The following ADAM23 variants were observed in gnomAD, a reference collection of about 807,000 sequenced individuals.
ADAM23 encodes ADAM metallopeptidase domain 23.
Under a neutral mutation model 120.1 loss-of-function variants are expected in ADAM23, and 33 were observed. That is an observed-to-expected ratio of 0.27 (90% CI 0.21 to 0.37). ADAM23 has a LOEUF of 0.37. Among genes scored for constraint, ADAM23 ranks in the 10% least tolerant of loss-of-function variants. The pLI is 1.00. For synonymous variants in ADAM23, 367 were observed against 375.2 expected (o/e 0.98, Z 0.25); for missense variants, 862 against 1,058.2 (o/e 0.81, Z 2.57).
chr2:206,468,025 A>G (rs1289793130), intron 2 of ADAM23, among the ~76,000 whole-genome samples: 1 of 152,156 alleles, frequency 6.6e-6, no homozygotes, highest in Non-Finnish European at 1.5e-5. Context: ...CAGTGTCCTG[A>G]GGCAGACTGC....
chr2:206,454,049 G>C (rs1047813791), intron 2 of ADAM23, among the ~76,000 whole-genome samples: 1 of 152,234 alleles, frequency 6.6e-6, no homozygotes, highest in Admixed American at 6.5e-5. Context: ...TAATTACAGA[G>C]TAGTTAAGTT....
Position 206,550,107 on chromosome 2 carries a change from A to T in ADAM23, c.880A>T (p.Ile294Leu). The stretch of plus-strand genomic sequence containing the variant: ...TTATTTTCCGTAGCCATCACGTGGT[A>T]TATTTGAAGAAATGAAATATTTGGA... The part of the protein sequence containing the change: ...RKRAVNPSRG[I>L]FEEMKYLELM... The change falls in exon 9 of 26, where the codon ATA becomes TTA. Residue 294 changes from isoleucine (I) to leucine (L), a missense_variant. Ile to Leu is a conservative substitution (Grantham distance 5, BLOSUM62 2). Around this residue, in one of 4 missense-constraint regions of ADAM23, gnomAD observed 617 missense variants for 813.5 expected, o/e 0.76. Transcript: ENST00000264377. The T allele has an allele frequency of 6.3e-7, 1 of 1,575,920 alleles. No homozygotes were observed. Among genetic ancestry groups the T allele is most frequent in the Non-Finnish European group, 8.7e-7 (1 of 1,149,386 alleles).
chr2:206,533,848 A>G (rs1697122759), intron 4 of ADAM23, among the ~76,000 whole-genome samples: 1 of 152,242 alleles, frequency 6.6e-6, no homozygotes, highest in Non-Finnish European at 1.5e-5. Context: ...GAAGCGTGTA[A>G]TATGAATGCT....
intron 9 of ADAM23, among the ~76,000 whole-genome samples, chr2:206,554,398 T>C (rs1029332815): frequency 3.9e-5 from 6 of 152,276 alleles, no homozygotes; most frequent in African/African-American, 1.4e-4. Flanking sequence ...GAAAATTGGT[T>C]GAGATTTTTT....
chr2:206,610,096 T>A, intron 25 of ADAM23, 96 bp downstream of exon 25: 1 of 1,128,464 alleles, frequency 8.9e-7, no homozygotes, highest in East Asian at 3.1e-5. Flanking sequence ...AGAGCTTAGG[T>A]TCTGTCAGTC....
Position 206,609,905 on chromosome 2 carries a change from C to T in ADAM23, c.2360-5C>T. ...TGACTCTCTTCCCATGATCCTTTGT[C>T]ACAGGTCCTAGTGCCACCAATCTCA... is the stretch of plus-strand genomic sequence containing the variant. On this transcript the variant is annotated splice_polypyrimidine_tract_variant and splice_region_variant and intron_variant, in intron 24 of 25. Transcript: ENST00000264377. 1.9e-6 allele frequency: 3 copies of T among 1,597,002 alleles called. No homozygotes were observed. In the South Asian group the frequency reaches 3.4e-5, roughly 18 times the overall value.
At chr2:206,467,777 G>C (rs1356175141) in intron 2 of ADAM23, among the ~76,000 whole-genome samples, 2 of 152,178 alleles carry the variant, frequency 1.3e-5, no homozygotes, top group Non-Finnish European at 1.5e-5. Context: ...TTCTCCATGA[G>C]GGCTCCGCCC....
In ADAM23 at chr2:206,443,778, C is replaced by G; in HGVS notation, c.-89C>G. ...CCGCCGCGGCACCATGCGCGCCGAGCCGGCGTGACCGGCTCCGCCCGCGGC... is the reference window on the plus strand; with the variant it reads ...CCGCCGCGGCACCATGCGCGCCGAGGCGGCGTGACCGGCTCCGCCCGCGGC... On this transcript the variant is annotated 5_prime_UTR_variant, in exon 1 of 26. Transcript: ENST00000264377. 5.5e-6 allele frequency: 4 copies of G among 729,180 alleles called. No homozygotes were observed. The South Asian group carries it at 1.8e-4, about 33-fold the overall frequency. 45.2% of individuals were successfully genotyped at this position (729,180 alleles called of 1,614,324 possible).
At chr2:206,537,053 T>C (rs1417670807) in intron 4 of ADAM23, among the ~76,000 whole-genome samples, 1 of 152,088 alleles carries the variant, frequency 6.6e-6, no homozygotes, top group African/African-American at 2.4e-5. Context: ...AAATATTGAT[T>C]TACCTTGTAC....
At chr2:206,519,064 C>G (rs1342593639) in intron 3 of ADAM23, among the ~76,000 whole-genome samples, 1 of 152,098 alleles carries the variant, frequency 6.6e-6, no homozygotes, top group African/African-American at 2.4e-5. Flanking sequence ...ATTCAACATT[C>G]TTGGTTTTTG....
At chr2:206,613,012 A>C (rs1698864627) in intron 25 of ADAM23, among the ~76,000 whole-genome samples, 1 of 152,176 alleles carries the variant, frequency 6.6e-6, no homozygotes, top group Non-Finnish European at 1.5e-5. Flanking sequence ...TTTTTAAAAA[A>C]TATTGTCACA....
intron 2 of ADAM23, among the ~76,000 whole-genome samples, chr2:206,480,947 G>A (rs1009867047): frequency 2.0e-5 from 3 of 152,144 alleles, no homozygotes; most frequent in Non-Finnish European, 4.4e-5. Flanking sequence ...ATTCGTCACG[G>A]TCACTTTGTA....
At chr2:206,592,121 C>T (rs537755034) in intron 21 of ADAM23, among the ~76,000 whole-genome samples, 1 of 152,240 alleles carries the variant, frequency 6.6e-6, no homozygotes, top group South Asian at 2.1e-4. Flanking sequence ...ATTTTTTGTC[C>T]TTATGCTTTG....
chr2:206,584,932 C>T (rs1000945708), intron 18 of ADAM23, among the ~76,000 whole-genome samples: 1 of 152,138 alleles, frequency 6.6e-6, no homozygotes, highest in African/African-American at 2.4e-5. Context: ...TTCCTCTACC[C>T]CTGTATTTGG....
chr2:206,530,304 G>A (rs775550672), intron 3 of ADAM23, among the ~76,000 whole-genome samples: 2 of 152,152 alleles, frequency 1.3e-5, no homozygotes, highest in Non-Finnish European at 2.9e-5. Flanking sequence ...AGTGGAGCCC[G>A]CATGGCCCAC....
rs183481511 is a variant in ADAM23, at chr2:206,530,042, C to T, written c.510-843C>T. Among the ~76,000 whole-genome samples, 508 of 152,246 alleles carry T rather than the reference C, an allele frequency of 3.3e-3. 3 individuals carry two copies. The highest frequency in any genetic ancestry group is 0.011 in the African/African-American group (477 of 41,554). ...GCCAGGATGGTCTTGATCTCTTGACCTCGTGATCCACCCGCCTCAGCCTCC... is the reference window on the plus strand; with the variant it reads ...GCCAGGATGGTCTTGATCTCTTGACTTCGTGATCCACCCGCCTCAGCCTCC... On this transcript the variant is annotated intron_variant, in intron 3 of 25. Coordinates refer to ENST00000264377, the MANE Select transcript of ADAM23 (RefSeq NM_003812.4).
intron 3 of ADAM23, among the ~76,000 whole-genome samples, chr2:206,508,177 C>T (rs1365352402): frequency 6.6e-6 from 1 of 152,016 alleles, no homozygotes. Context: ...CTACAGGCAT[C>T]CACCACCACG....
intron 2 of ADAM23, among the ~76,000 whole-genome samples, chr2:206,472,872 C>T (rs1695689424): frequency 6.6e-6 from 1 of 152,106 alleles, no homozygotes; most frequent in Admixed American, 6.6e-5. Context: ...AACAAAGTCA[C>T]ACGGTGATCT....
chr2:206,494,049 G>A (rs76390520), intron 3 of ADAM23, among the ~76,000 whole-genome samples: 11,891 of 152,250 alleles, frequency 0.078, 600 homozygotes, highest in Admixed American at 0.13. Context: ...TGTATACATT[G>A]TGAAATGATC....
Sources: allele counts gnomAD v4.1 joint callset (sites outside exome capture counted in the v4.1 genomes callset), GRCh38; gene constraint gnomAD v4.1.1; regional missense constraint gnomAD v4.1.1; transcripts MANE v1.5; gene names NCBI Gene and HGNC (gene_info 2026-07-23, HGNC 2026-07-21).